DIP2C: variants seen among roughly 807,000 people sequenced by gnomAD.
DIP2C encodes the protein disco-interacting protein 2 homolog C.
In DIP2C, 33 loss-of-function variants were observed where a neutral mutation model predicts 192.4. That is an observed-to-expected ratio of 0.17 (90% confidence interval 0.13 to 0.23). The LOEUF is 0.23. Ranked by LOEUF, DIP2C falls within the 10% of genes least tolerant of loss-of-function variation. The pLI, the probability that DIP2C is intolerant of heterozygous loss-of-function variation, is 1.00. For missense variants in DIP2C, 1,537 were observed against 2,110.1 expected (o/e 0.73, Z 5.32); for synonymous variants, 979 against 864.1 (o/e 1.13, Z -2.33).
At chr10:306,650 G>A (rs1956338798) in intron 32 of DIP2C, among the ~76,000 whole-genome samples, 1 of 152,184 alleles carries the variant, frequency 6.6e-6, no homozygotes, top group Non-Finnish European at 1.5e-5. Flanking sequence ...TGCTTTTAGT[G>A]GCTCTCATTT....
chr10:484,692 A>G, intron 2 of DIP2C: 1 of 1,483,526 alleles, frequency 6.7e-7, no homozygotes, highest in South Asian at 1.3e-5. Context: ...GCCACACCCT[A>G]CACGTCTGTA....
chr10:408,151 T>TC (rs1357920317), intron 9 of DIP2C, among the ~76,000 whole-genome samples: 2 of 152,184 alleles, frequency 1.3e-5, no homozygotes, highest in East Asian at 3.8e-4. Flanking sequence ...CCGCCTTCAT[T>TC]CTCTTGCAGG....
At chr10:601,992 T>C (rs1852109824) in intron 1 of DIP2C, among the ~76,000 whole-genome samples, 1 of 151,256 alleles carries the variant, frequency 6.6e-6, no homozygotes, top group Non-Finnish European at 1.5e-5. Context: ...GTGTTTGAAG[T>C]CCTGACTCTG....
rs184701629 is a variant in DIP2C, at chr10:563,337, A to G, written c.86-76807T>C. Among the ~76,000 whole-genome samples the G allele has an allele frequency of 5.9e-5, 9 of 152,338 alleles. No individual in the cohort carries two copies. In the East Asian group the frequency reaches 1.5e-3, roughly 26 times the overall value. On this transcript the variant is annotated intron_variant, in intron 1 of 36. Coordinates refer to ENST00000280886, the MANE Select transcript of DIP2C (RefSeq NM_014974.3). Reference sequence around the variant, plus strand: ...TTATGTTCCTTCCGTAATGGTGGTAATAATAATGGCAATATTTCCCCGATC... The same window carrying G: ...TTATGTTCCTTCCGTAATGGTGGTAGTAATAATGGCAATATTTCCCCGATC...
chr10:295,290 G>A (rs1018370978), intron 32 of DIP2C, among the ~76,000 whole-genome samples: 9 of 152,148 alleles, frequency 5.9e-5, no homozygotes, highest in East Asian at 1.9e-4. Flanking sequence ...GGCCGGGCGC[G>A]GTGGCTTACG....
chr10:592,257 C>CTG (rs1851447655), intron 1 of DIP2C, among the ~76,000 whole-genome samples: 2 of 152,176 alleles, frequency 1.3e-5, no homozygotes, highest in Admixed American at 1.3e-4. Context: ...GAAAATGGTT[C>CTG]TGTGTATTGG....
intron 26 of DIP2C, among the ~76,000 whole-genome samples, chr10:347,325 T>C (rs868000920): frequency 0.14 from 3,209 of 23,260 alleles, no homozygotes; most frequent in Non-Finnish European, 0.19. Context: ...ACATATCGCG[T>C]ATAGTTCTCC....
chr10:417,972 G>A (rs879697808), intron 6 of DIP2C, among the ~76,000 whole-genome samples: 1 of 107,524 alleles, frequency 9.3e-6, no homozygotes, highest in African/African-American at 3.8e-5. Flanking sequence ...ACCTGTCAGG[G>A]CTCGGATAGG....
At chr10:614,839 T>G (rs1450673028) in intron 1 of DIP2C, among the ~76,000 whole-genome samples, 1 of 152,206 alleles carries the variant, frequency 6.6e-6, no homozygotes, top group Non-Finnish European at 1.5e-5. Flanking sequence ...TCCACACTGA[T>G]CCAACACGTC....
At chr10:417,924 T>G (rs61837185) in intron 6 of DIP2C, among the ~76,000 whole-genome samples, 21 of 26,262 alleles carry the variant, frequency 8.0e-4, no homozygotes, top group Non-Finnish European at 9.3e-4. Flanking sequence ...GTCCACCTGT[T>G]CCTGTCAGGG....
At chr10:428,086 C>T (rs1322254016) in intron 4 of DIP2C, among the ~76,000 whole-genome samples, 1 of 152,110 alleles carries the variant, frequency 6.6e-6, no homozygotes, top group Admixed American at 6.5e-5. Context: ...AAGGAATAAA[C>T]TACTGATGCA....
intron 33 of DIP2C, among the ~76,000 whole-genome samples, chr10:287,482 G>C (rs1203521678): frequency 6.6e-6 from 1 of 152,062 alleles, no homozygotes; most frequent in East Asian, 1.9e-4. Context: ...TCAGGGCTCT[G>C]GATTCTGCTG....
At chr10:492,675 C>A (rs1343626844) in intron 1 of DIP2C, among the ~76,000 whole-genome samples, 1 of 152,178 alleles carries the variant, frequency 6.6e-6, no homozygotes, top group Non-Finnish European at 1.5e-5. Context: ...TTTAGACATG[C>A]TGTTGCAGTA....
At chr10:538,096 G>T (rs6560850) in intron 1 of DIP2C, among the ~76,000 whole-genome samples, 29,814 of 151,998 alleles carry the variant, frequency 0.2, 4,749 homozygotes, top group African/African-American at 0.44. Flanking sequence ...GGCTGTGAAT[G>T]TATTTTAAAT....
intron 2 of DIP2C, among the ~76,000 whole-genome samples, chr10:480,430 G>A (rs1053059878): frequency 6.6e-6 from 1 of 151,844 alleles, no homozygotes; most frequent in Admixed American, 6.6e-5. Context: ...CACTGGATGA[G>A]TCTCACCCGC....
rs1476719036 is a variant in DIP2C, at chr10:466,476, T to C, written c.268+5963A>G. Among the ~76,000 whole-genome samples the C allele has an allele frequency of 2.1e-3, 295 of 139,944 alleles. 1 individual carries two copies. The highest frequency in any genetic ancestry group is 4.1e-3 in the East Asian group (19 of 4,622). The allele number at this position is 139,944 out of a possible 152,430, so 91.8% of individuals were successfully genotyped here. On this transcript the variant is annotated intron_variant, in intron 3 of 36. Transcript: ENST00000280886. Reference sequence around the variant, plus strand: ...GGCATTACCATTCAGGACATAGGCGTGGGCAAGGACTTCATGTCCAAAACA... The same window carrying C: ...GGCATTACCATTCAGGACATAGGCGCGGGCAAGGACTTCATGTCCAAAACA...
intron 1 of DIP2C, among the ~76,000 whole-genome samples, chr10:660,440 C>A (rs896284740): frequency 3.3e-5 from 5 of 151,910 alleles, no homozygotes; most frequent in Non-Finnish European, 7.4e-5. Context: ...GAGATTCCAG[C>A]CCTTGTCCCT....
At chr10:458,153 C>G (rs1216606308) in intron 3 of DIP2C, among the ~76,000 whole-genome samples, 1 of 152,230 alleles carries the variant, frequency 6.6e-6, no homozygotes, top group African/African-American at 2.4e-5. Flanking sequence ...AGCCTGTCAC[C>G]TCCTCTGGGG....
chr10:517,279 A>T (rs762700165), intron 1 of DIP2C, among the ~76,000 whole-genome samples: 2 of 152,314 alleles, frequency 1.3e-5, no homozygotes, highest in Middle Eastern at 3.4e-3. Context: ...ACTGCCCAGA[A>T]CAAAAGCACA....
Sources: allele counts gnomAD v4.1 joint callset (sites outside exome capture counted in the v4.1 genomes callset), GRCh38; gene constraint gnomAD v4.1.1; transcripts MANE v1.5; gene names NCBI Gene and HGNC (gene_info 2026-07-23, HGNC 2026-07-21).